CSNK1G3: variants seen among roughly 807,000 people sequenced by gnomAD.
CSNK1G3 encodes casein kinase I isoform gamma-3.
Under a neutral mutation model 64.3 loss-of-function variants are expected in CSNK1G3, and 23 were observed. That is an observed-to-expected ratio of 0.36 (90% CI 0.26 to 0.51). CSNK1G3 has a LOEUF of 0.51. CSNK1G3 is among the 20% of genes least tolerant of loss of function. CSNK1G3 has a pLI of 0.96. For missense variants in CSNK1G3, 357 were observed against 510.5 expected, an observed-to-expected ratio of 0.70 and a Z score of 2.90; for synonymous variants, 158 against 162.2, an observed-to-expected ratio of 0.97 and a Z score of 0.20.
rs906765902 is a variant in CSNK1G3, at chr5:123,557,674, A to G, written c.289+110A>G. 12 of 677,588 alleles carry G rather than the reference A, an allele frequency of 1.8e-5. No individual in the cohort carries two copies. The East Asian group carries it at 2.0e-4, about 11-fold the overall frequency. 42.0% of individuals were successfully genotyped at this position (677,588 alleles called of 1,614,324 possible). A position where few individuals can be genotyped will look rare whatever the true frequency, so the allele number is the denominator to read the frequency against. ...GTTAAGGAAATCACTTTGCAAGGCT[A>G]TGTTTACTATACGTTTTCTTACTAT... On this transcript the variant is annotated intron_variant, in intron 4 of 12. Transcript: ENST00000345990.
At chr5:123,605,796 A>G (rs936816235) in intron 12 of CSNK1G3, among the ~76,000 whole-genome samples, 8 of 152,088 alleles carry the variant, frequency 5.3e-5, no homozygotes, top group Non-Finnish European at 1.2e-4. Flanking sequence ...TTACTAACCA[A>G]TTATCATTGC....
chr5:123,574,302 C>T (rs751662225), intron 5 of CSNK1G3, among the ~76,000 whole-genome samples: 2 of 151,994 alleles, frequency 1.3e-5, no homozygotes, highest in Non-Finnish European at 2.9e-5. Flanking sequence ...AAATAAATGC[C>T]AATAGAAGTG....
chr5:123,529,270 T>A (rs140989002), intron 1 of CSNK1G3, among the ~76,000 whole-genome samples: 1 of 152,250 alleles, frequency 6.6e-6, no homozygotes, highest in African/African-American at 2.4e-5. Flanking sequence ...TTGATGAAAA[T>A]CTTGTGACCA....
At chr5:123,590,634 A>C (rs1792166162) in intron 9 of CSNK1G3, 76 bp downstream of exon 9, 1 of 908,018 alleles carries the variant, frequency 1.1e-6, no homozygotes, top group East Asian at 3.0e-5. Flanking sequence ...TCAATTGAAA[A>C]GAGTTGAGAA....
At chr5:123,563,473 G>T (rs763192249) in intron 4 of CSNK1G3, among the ~76,000 whole-genome samples, 5 of 151,920 alleles carry the variant, frequency 3.3e-5, no homozygotes, top group Non-Finnish European at 5.9e-5. Flanking sequence ...CTGGATTTAT[G>T]TGCTCCCTGC....
intron 6 of CSNK1G3, among the ~76,000 whole-genome samples, chr5:123,578,754 T>C (rs1789659683): frequency 6.6e-6 from 1 of 151,930 alleles, no homozygotes; most frequent in South Asian, 2.1e-4. Flanking sequence ...GTTTTAGCCT[T>C]TTATATCTGT....
chr5:123,527,813 T>C (rs1304920544), intron 1 of CSNK1G3, among the ~76,000 whole-genome samples: 2 of 152,218 alleles, frequency 1.3e-5, no homozygotes, highest in Non-Finnish European at 2.9e-5. Context: ...GCATACCCTT[T>C]TACCAAAATA....
At chr5:123,575,655 C>G (rs1012987659) in intron 5 of CSNK1G3, 74 bp from the exon 6 acceptor site, 46 of 827,068 alleles carry the variant, frequency 5.6e-5, no homozygotes, top group South Asian at 4.0e-4. Flanking sequence ...TTCATTCTGT[C>G]TTGCCTTTAT....
intron 4 of CSNK1G3, among the ~76,000 whole-genome samples, chr5:123,570,066 A>G (rs920958425): frequency 3.9e-5 from 6 of 152,282 alleles, no homozygotes; most frequent in African/African-American, 1.4e-4. Context: ...CATTCTTAGC[A>G]TGGTTTCTCA....
chr5:123,533,760 A>C (rs1386761978), intron 1 of CSNK1G3, among the ~76,000 whole-genome samples: 1 of 151,700 alleles, frequency 6.6e-6, no homozygotes, highest in East Asian at 1.9e-4. Flanking sequence ...TGCTGTTTTT[A>C]AAGTAAGTTC....
At position 123,536,440 on chromosome 5, in the gene CSNK1G3, TA is replaced by T. The variant is rs1554068698; in HGVS notation, c.-247-8967del. ...ATATGAAGGGCTTTTTTTTTTTTTT[TA>T]AAAAAAAAAGCTTCTTAAAGCTAGA... is the stretch of plus-strand genomic sequence containing the variant. On this transcript the variant is annotated intron_variant, in intron 1 of 12. Coordinates refer to ENST00000345990, the Ensembl canonical transcript of CSNK1G3. 4.0e-4 allele frequency among the ~76,000 whole-genome samples: 48 copies of T among 118,874 alleles called. No homozygotes were observed. The East Asian group carries it at 8.6e-3, about 21-fold the overall frequency. 78.0% of individuals were successfully genotyped at this position (118,874 alleles called of 152,430 possible).
intron 2 of CSNK1G3, among the ~76,000 whole-genome samples, chr5:123,548,597 C>T (rs1031792632): frequency 1.2e-4 from 18 of 150,632 alleles, no homozygotes; most frequent in African/African-American, 4.1e-4. Flanking sequence ...TTCTGTTTTT[C>T]GTTTAGAATG....
At position 123,521,897 on chromosome 5, in the gene CSNK1G3, TA is replaced by T. The variant is rs571858313; in HGVS notation, c.-248+9329del. Among the ~76,000 whole-genome samples, 25 of 152,192 alleles carry T rather than the reference TA, an allele frequency of 1.6e-4. No individual in the cohort carries two copies. The South Asian group carries it at 1.9e-3, about 11-fold the overall frequency. On this transcript the variant is annotated intron_variant, in intron 1 of 12. Transcript: ENST00000345990. The stretch of plus-strand genomic sequence containing the variant: ...ACAGATGTTGGGATTCTACCCATGC[TA>T]ATTTATATTCCATAAATAATCAGTA...
chr5:123,534,343 C>G (rs1475848519), intron 1 of CSNK1G3, among the ~76,000 whole-genome samples: 2 of 151,972 alleles, frequency 1.3e-5, no homozygotes, highest in Non-Finnish European at 2.9e-5. Flanking sequence ...ATTCTATGTT[C>G]TTTATAATAT....
chr5:123,583,759 A>G (rs1178379895), intron 6 of CSNK1G3, among the ~76,000 whole-genome samples: 2 of 151,918 alleles, frequency 1.3e-5, no homozygotes, highest in African/African-American at 2.4e-5. Flanking sequence ...GGCTCCCTGC[A>G]TTGTCATCCT....
At chr5:123,579,355 T>C (rs944848947) in intron 6 of CSNK1G3, among the ~76,000 whole-genome samples, 1 of 151,844 alleles carries the variant, frequency 6.6e-6, no homozygotes, top group Non-Finnish European at 1.5e-5. Flanking sequence ...ACAAGTTTTA[T>C]TCAGTTAATA....
chr5:123,564,655 AT>A (rs1223640816), intron 4 of CSNK1G3, among the ~76,000 whole-genome samples: 4 of 152,020 alleles, frequency 2.6e-5, no homozygotes, highest in South Asian at 2.1e-4. Flanking sequence ...AGGTGATGTT[AT>A]TTTTTTAATG....
chr5:123,604,579 ATTG>A (rs1795023820), intron 10 of CSNK1G3, 142 bp from the exon 12 acceptor site: 1 of 478,712 alleles, frequency 2.1e-6, no homozygotes, highest in South Asian at 3.8e-5. Context: ...ACAGCTACAT[ATTG>A]TTTTGTGTTC....
intron 2 of CSNK1G3, among the ~76,000 whole-genome samples, chr5:123,547,745 ATATC>A (rs1258882545): frequency 6.6e-6 from 1 of 152,014 alleles, no homozygotes; most frequent in African/African-American, 2.4e-5. Context: ...TTATCTCTAT[ATATC>A]TGTGTTTTAT....
Sources: gnomAD v4.1 joint callset for allele counts (sites outside exome capture counted in the v4.1 genomes callset) on GRCh38, gnomAD v4.1.1 for gene constraint, MANE v1.5 for transcripts, NCBI Gene and HGNC (gene_info 2026-07-23, HGNC 2026-07-21) for gene names.